The following INPP4A variants were observed in gnomAD, a reference collection of about 807,000 sequenced individuals.
The protein encoded by INPP4A is inositol polyphosphate-4-phosphatase type I A.
Under a neutral mutation model 119.8 loss-of-function variants are expected in INPP4A, and 33 were observed. That is an observed-to-expected ratio of 0.28 (90% CI 0.21 to 0.37). The LOEUF (loss-of-function observed/expected upper bound fraction) is 0.37, where lower values mean the gene tolerates loss of function less well. Among genes scored for constraint, INPP4A ranks in the 10% least tolerant of loss-of-function variants. The pLI, the probability that INPP4A is intolerant of heterozygous loss-of-function variation, is 1.00. For synonymous variants in INPP4A, 496 were observed against 500.7 expected (o/e 0.99, Z 0.12); for missense variants, 956 against 1,289.9 (o/e 0.74, Z 3.97).
chr2:98,522,370 A>G (rs964140726), intron 4 of INPP4A, among the ~76,000 whole-genome samples: 3 of 151,938 alleles, frequency 2.0e-5, no homozygotes, highest in African/African-American at 7.2e-5. Context: ...AAACCAGGAC[A>G]CTATAAAGAT....
intron 16 of INPP4A, chr2:98,556,134 G>A: frequency 3.1e-6 from 1 of 319,832 alleles, no homozygotes; most frequent in Non-Finnish European, 5.8e-6. Context: ...ACCTGAAGGA[G>A]GCCAGGATGC....
At chr2:98,571,946 G>A (rs962984908) in intron 22 of INPP4A, 4 of 152,682 alleles carry the variant, frequency 2.6e-5, no homozygotes, top group Admixed American at 1.3e-4. Context: ...CCTGACCGGC[G>A]TGGTGTGGAG....
intron 1 of INPP4A, among the ~76,000 whole-genome samples, chr2:98,480,886 G>A (rs754494885): frequency 5.3e-5 from 8 of 152,198 alleles, no homozygotes; most frequent in Non-Finnish European, 1.0e-4. Flanking sequence ...GAGGGTGAGT[G>A]GGGGGCAGGG....
At chr2:98,581,746 G>T in intron 24 of INPP4A, 1 of 1,606,750 alleles carries the variant, frequency 6.2e-7, no homozygotes, top group Non-Finnish European at 8.5e-7. Context: ...ACCAAATTGC[G>T]TTGCAAATGA....
rs1228049116 is a variant in INPP4A, at chr2:98,554,118, G to C, written c.1348-153G>C. Among the ~76,000 whole-genome samples the C allele has an allele frequency of 6.6e-6, 1 of 152,250 alleles. No homozygotes were observed. Among genetic ancestry groups the C allele is most frequent in the Non-Finnish European group, 1.5e-5 (1 of 68,044 alleles). The stretch of plus-strand genomic sequence containing the variant: ...GGCAGTCTTTGTACTCAGACATCTT[G>C]AGGGATGTAGCCCTTCAGTTGCTTT... On this transcript the variant is annotated intron_variant, in intron 14 of 24. Transcript: ENST00000409851. This position sits in a 1 kb window ranked among gnomAD's most constrained non-coding sequence, Gnocchi z 4.7.
At chr2:98,488,936 TGTG>T (rs3222439) in intron 1 of INPP4A, among the ~76,000 whole-genome samples, 1 of 8,444 alleles carries the variant, frequency 1.2e-4, no homozygotes, top group Admixed American at 9.8e-4. Flanking sequence ...GTACATGCAC[TGTG>T]TGTGTGTGTG....
intron 1 of INPP4A, among the ~76,000 whole-genome samples, chr2:98,482,106 T>C (rs1344426043): frequency 6.6e-6 from 1 of 152,258 alleles, no homozygotes; most frequent in East Asian, 1.9e-4. Context: ...AGATCCTGTC[T>C]TTAAAATAAA....
intron 1 of INPP4A, among the ~76,000 whole-genome samples, chr2:98,463,855 G>C (rs1051318776): frequency 1.3e-5 from 2 of 152,150 alleles, no homozygotes; most frequent in African/African-American, 4.8e-5. Context: ...AGGGGCTGAG[G>C]AATGCTGAGG....
At chr2:98,539,136 TAA>T (rs1166581160) in intron 9 of INPP4A, among the ~76,000 whole-genome samples, 155 bp downstream of exon 9, 1 of 152,190 alleles carries the variant, frequency 6.6e-6, no homozygotes, top group Admixed American at 6.5e-5. Context: ...TTGCAGCATA[TAA>T]AGAGTTATCA....
intron 4 of INPP4A, among the ~76,000 whole-genome samples, chr2:98,524,185 A>T (rs564472392): frequency 6.6e-6 from 1 of 152,212 alleles, no homozygotes; most frequent in Non-Finnish European, 1.5e-5. Context: ...GTTGCTGATT[A>T]TTTCCTTAGG....
chr2:98,577,191 A>G lies in INPP4A; in HGVS notation c.2786+48A>G, dbSNP rs149255740. ...GCGCCCCGCCTGCCCCGGCCCGTGT[A>G]AACTGCAGATGAGCTGGTACCCTGC... is the stretch of plus-strand genomic sequence containing the variant. On this transcript the variant is annotated intron_variant, in intron 24 of 24. Coordinates refer to ENST00000409851, the MANE Select transcript of INPP4A (RefSeq NM_001134225.2). 3.7e-5 allele frequency: 56 copies of G among 1,522,530 alleles called. No individual in the cohort carries two copies. In the African/African-American group the frequency reaches 6.5e-4, roughly 18 times the overall value. The allele number at this position is 1,522,530 out of a possible 1,614,324, so 94.3% of individuals were successfully genotyped here. A position where few individuals can be genotyped will look rare whatever the true frequency, so the allele number is the denominator to read the frequency against.
intron 1 of INPP4A, among the ~76,000 whole-genome samples, chr2:98,507,046 TGCTTG>T (rs1309702159): frequency 2.0e-5 from 3 of 152,240 alleles, no homozygotes; most frequent in African/African-American, 7.2e-5. Flanking sequence ...TCCTCTGCCC[TGCTTG>T]GCAACTCACT....
chr2:98,565,175 C>T (rs186518717), intron 19 of INPP4A, among the ~76,000 whole-genome samples: 151 of 152,222 alleles, frequency 9.9e-4, no homozygotes, highest in African/African-American at 3.5e-3. Context: ...TTCTTCCTAC[C>T]CTTGTTTATT....
chr2:98,538,978 T>C lies in INPP4A; in HGVS notation c.667T>C (p.Ser223Pro). 1 of 1,599,590 alleles carries C rather than the reference T, an allele frequency of 6.3e-7. No homozygotes were observed. The highest frequency in any genetic ancestry group is 1.1e-5 in the South Asian group (1 of 89,518). ...ATTGCGAAAGGACACTTTGCTGAAA[T>C]CGGGTAAACAGCTTCCTCCTTTGGT... ...ASLRKDTLLKSVFGGAICRMY... is the reference protein window; with the variant it reads ...ASLRKDTLLKPVFGGAICRMY... Residue 223 changes from serine (S) to proline (P), a missense_variant, in exon 9 of 25, where the codon TCG (serine) becomes CCG (proline). Around this residue, in one of 2 missense-constraint regions of INPP4A, gnomAD observed 652 missense variants for 797.9 expected, o/e 0.82. Coordinates refer to ENST00000409851, the MANE Select transcript of INPP4A (RefSeq NM_001134225.2).
Position 98,546,303 on chromosome 2 carries a change from TGTCGGCCC to T in INPP4A, c.1054+231_1054+238del, listed in dbSNP as rs1045424037. 7.2e-5 allele frequency among the ~76,000 whole-genome samples: 11 copies of T among 152,252 alleles called. No homozygotes were observed. The highest frequency in any genetic ancestry group is 2.7e-4 in the African/African-American group (11 of 41,472). ...TGTATTTCTGCAGTAGAAAGTTGCC[TGTCGGCCC>T]TTCTTCCCAAGGAGGGATGCAAACG... On this transcript the variant is annotated intron_variant, in intron 12 of 24. Transcript: ENST00000409851. This position sits in a 1 kb window ranked among gnomAD's most constrained non-coding sequence, Gnocchi z 4.2.
Position 98,572,910 on chromosome 2 carries a change from C to A in INPP4A, c.2614C>A (p.Leu872Ile), listed in dbSNP as rs1187659012. The A allele has an allele frequency of 2.5e-6, 4 of 1,572,288 alleles. No individual in the cohort carries two copies. The highest frequency in any genetic ancestry group is 1.7e-6 in the Non-Finnish European group (2 of 1,158,782). Residue 872 changes from leucine (L) to isoleucine (I), a missense_variant, in exon 23 of 25, where the codon CTC becomes ATC. Physicochemically the swap from Leu to Ile is conservative, Grantham distance 5. This residue lies in a region of INPP4A where 304 missense variants were observed against 492.1 expected (regional missense o/e 0.62). Transcript: ENST00000409851. The part of the protein sequence containing the change: ...HARKNKNVDI[L>I]WQAAEICRRL... ...CCGGAAGAATAAGAACGTCGACATT[C>A]TCTGGCAAGCTGCTGAGGTACTGGT...
chr2:98,590,888 C>G lies in INPP4A; in HGVS notation c.*3280C>G. Reference sequence around the variant, plus strand: ...ATTCTCATTGATGGTAGCAGTGCACCTCGTTTCAGTGTCCTGATTCCTTGA... The same window carrying G: ...ATTCTCATTGATGGTAGCAGTGCACGTCGTTTCAGTGTCCTGATTCCTTGA... On this transcript the variant is annotated 3_prime_UTR_variant, in exon 25 of 25. Coordinates refer to ENST00000409851, the MANE Select transcript of INPP4A (RefSeq NM_001134225.2). 4.3e-6 allele frequency: 1 copy of G among 231,470 alleles called. No individual in the cohort carries two copies. The allele number at this position is 231,470 out of a possible 1,614,324, so 14.3% of individuals were successfully genotyped here. A position where few individuals can be genotyped will look rare whatever the true frequency, so the allele number is the denominator to read the frequency against.
intron 1 of INPP4A, among the ~76,000 whole-genome samples, chr2:98,455,619 A>G (rs1696008028): frequency 6.6e-6 from 1 of 152,110 alleles, no homozygotes; most frequent in Admixed American, 6.5e-5. Context: ...ATCCTCCCTG[A>G]CAGTGGAATG....
At chr2:98,539,877 G>C (rs1047185155) in intron 10 of INPP4A, among the ~76,000 whole-genome samples, 10 of 152,194 alleles carry the variant, frequency 6.6e-5, no homozygotes, top group African/African-American at 2.4e-4. Context: ...GATTTCATAA[G>C]ACAGTGTATT....
Sources: allele counts gnomAD v4.1 joint callset (sites outside exome capture counted in the v4.1 genomes callset), GRCh38; gene constraint gnomAD v4.1.1; regional missense constraint gnomAD v4.1.1; non-coding constraint Gnocchi (gnomAD v3.1); transcripts MANE v1.5; gene names NCBI Gene and HGNC (gene_info 2026-07-23, HGNC 2026-07-21).